The following BTRC variants were observed in gnomAD, a reference collection of about 807,000 sequenced individuals.
BTRC encodes the protein beta-transducin repeat containing E3 ubiquitin protein ligase, also known as F-box/WD repeat-containing protein 1A.
A neutral mutation model predicts 85.5 loss-of-function variants in BTRC; 42 were observed. That is an observed-to-expected ratio of 0.49 (90% CI 0.38 to 0.64). The LOEUF (loss-of-function observed/expected upper bound fraction) is 0.64. BTRC is among the 30% of genes least tolerant of loss of function. BTRC has a pLI of 0.00. For missense variants in BTRC, 594 were observed against 743.5 expected (o/e 0.80, Z 2.34); for synonymous variants, 255 against 263.3 (o/e 0.97, Z 0.30).
intron 1 of BTRC, among the ~76,000 whole-genome samples, chr10:101,400,711 C>G (rs1354739307): frequency 6.6e-6 from 1 of 152,170 alleles, no homozygotes; most frequent in African/African-American, 2.4e-5. Flanking sequence ...TAACATGATA[C>G]CAGCCTCTGT....
chr10:101,368,065 C>T (rs1590209157), intron 1 of BTRC, among the ~76,000 whole-genome samples: 1 of 152,162 alleles, frequency 6.6e-6, no homozygotes, highest in East Asian at 1.9e-4. Flanking sequence ...ATTTGATCTC[C>T]AGTGTTGGAG....
At chr10:101,545,088 CT>C (rs1413656634) in intron 13 of BTRC, among the ~76,000 whole-genome samples, 2 of 151,908 alleles carry the variant, frequency 1.3e-5, no homozygotes, top group Admixed American at 6.6e-5. Flanking sequence ...TTGACAGTGT[CT>C]TTCAGCACTT....
intron 1 of BTRC, among the ~76,000 whole-genome samples, chr10:101,393,260 T>C (rs1004529731): frequency 6.6e-6 from 1 of 152,204 alleles, no homozygotes; most frequent in African/African-American, 2.4e-5. Context: ...TTGTATTCTT[T>C]GCAATATCCT....
chr10:101,484,538 G>A (rs532478116), intron 4 of BTRC, among the ~76,000 whole-genome samples: 2 of 152,194 alleles, frequency 1.3e-5, no homozygotes, highest in Non-Finnish European at 2.9e-5. Context: ...CTCTGGGTCT[G>A]TGCTATTTAT....
In BTRC at chr10:101,534,847, T is replaced by C. The variant is rs1460122574; in HGVS notation, c.1284T>C (p.Ala428=). 12 of 1,613,944 alleles carry C rather than the reference T, an allele frequency of 7.4e-6. No homozygotes were observed. Among genetic ancestry groups the C allele is most frequent in the Non-Finnish European group, 1.0e-5 (12 of 1,179,900 alleles). The change falls in exon 10 of 15, where the codon GCT becomes GCC. Residue 428 remains alanine (A), a synonymous_variant. Transcript: ENST00000370187. ...LRRVLVGHRA[A]VNVVDFDDKY... is the part of the protein sequence containing the mutation. The stretch of plus-strand genomic sequence containing the variant: ...GGGTGCTGGTCGGACACCGAGCTGC[T>C]GTCAATGTTGTAGACTTTGATGACA...
intron 1 of BTRC, among the ~76,000 whole-genome samples, chr10:101,429,723 G>T (rs1462079071): frequency 6.8e-6 from 1 of 147,240 alleles, no homozygotes; most frequent in Non-Finnish European, 1.5e-5. Flanking sequence ...AATCCATCTG[G>T]AAAGATGAAG....
chr10:101,445,097 A>G (rs1228658332), intron 2 of BTRC, among the ~76,000 whole-genome samples: 4 of 152,272 alleles, frequency 2.6e-5, no homozygotes, highest in South Asian at 2.1e-4. Context: ...ATACGACTAT[A>G]TATTTTCAGT....
Position 101,532,382 on chromosome 10 carries a change from C to T in BTRC, c.928C>T (p.Gln310Ter). The T allele has an allele frequency of 1.2e-6, 2 of 1,613,578 alleles. No homozygotes were observed. The highest frequency in any genetic ancestry group is 1.7e-6 in the Non-Finnish European group (2 of 1,179,916). The stretch of plus-strand genomic sequence containing the variant: ...AACAAGCAAAGGAGTTTACTGTTTA[C>T]AGTATGATGATCAGAAAATAGTAAG... ...SETSKGVYCL[Q>*]YDDQKIVSGL... Residue 310 changes from glutamine to a stop codon, truncating the protein, a stop_gained, in exon 8 of 15, where the codon CAG becomes TAG. Transcript: ENST00000370187. LOFTEE classifies it high-confidence loss of function.
chr10:101,390,397 G>C (rs1564743629), intron 1 of BTRC, among the ~76,000 whole-genome samples: 1 of 149,386 alleles, frequency 6.7e-6, no homozygotes, highest in Non-Finnish European at 1.5e-5. Context: ...GAGTGCAGTG[G>C]TGCAATCTCT....
intron 1 of BTRC, among the ~76,000 whole-genome samples, chr10:101,363,856 A>C (rs867960952): frequency 2.0e-5 from 3 of 152,168 alleles, no homozygotes; most frequent in Non-Finnish European, 4.4e-5. Context: ...GATTATTTAA[A>C]TTACCGATGA....
At chr10:101,483,111 A>G (rs569413409) in intron 4 of BTRC, among the ~76,000 whole-genome samples, 1 of 152,240 alleles carries the variant, frequency 6.6e-6, no homozygotes, top group Non-Finnish European at 1.5e-5. Context: ...TTATGTTTGG[A>G]CCCCTATAAT....
rs189670179 is a variant in BTRC at position 101,542,836 on chromosome 10, G to T, written c.1656+4465G>T. Among the ~76,000 whole-genome samples the T allele has an allele frequency of 3.1e-3, 475 of 152,236 alleles. 7 individuals are homozygous for T. Among genetic ancestry groups the T allele is most frequent in the Non-Finnish European group, 7.2e-4 (49 of 68,014 alleles). On this transcript the variant is annotated intron_variant, in intron 13 of 14. Coordinates refer to ENST00000370187, the MANE Select transcript of BTRC (RefSeq NM_033637.4). Reference sequence around the variant, plus strand: ...CCTCGACAAAGTACTGGGATCACAGGCATGAGCCATGGCACCTGGCCTGCT... The same window carrying T: ...CCTCGACAAAGTACTGGGATCACAGTCATGAGCCATGGCACCTGGCCTGCT...
chr10:101,507,059 T>G (rs1044355393), intron 4 of BTRC, among the ~76,000 whole-genome samples: 23 of 152,210 alleles, frequency 1.5e-4, no homozygotes, highest in Non-Finnish European at 1.5e-5. Flanking sequence ...ACCACGACAT[T>G]TTAAAAGATT....
intron 4 of BTRC, among the ~76,000 whole-genome samples, chr10:101,515,855 T>C (rs1465728887): frequency 6.6e-6 from 1 of 152,214 alleles, no homozygotes; most frequent in African/African-American, 2.4e-5. Context: ...GTTTTTATGG[T>C]ACTACAAATT....
chr10:101,408,277 C>T (rs1043675779), intron 1 of BTRC, among the ~76,000 whole-genome samples: 2 of 151,598 alleles, frequency 1.3e-5, no homozygotes, highest in Non-Finnish European at 2.9e-5. Context: ...TTTGTTTTTT[C>T]CCATCTGTTC....
intron 1 of BTRC, among the ~76,000 whole-genome samples, chr10:101,382,601 A>G (rs1942964513): frequency 6.6e-6 from 1 of 151,906 alleles, no homozygotes; most frequent in African/African-American, 2.4e-5. Context: ...TTGTTTGATC[A>G]TTTATTAAGG....
intron 3 of BTRC, among the ~76,000 whole-genome samples, chr10:101,475,450 G>A (rs191123843): frequency 6.6e-6 from 1 of 152,290 alleles, no homozygotes; most frequent in Non-Finnish European, 1.5e-5. Flanking sequence ...TGAGGCAGGA[G>A]AATCACTCGA....
At chr10:101,474,039 A>G (rs1564794403) in intron 3 of BTRC, among the ~76,000 whole-genome samples, 1 of 152,170 alleles carries the variant, frequency 6.6e-6, no homozygotes, top group Non-Finnish European at 1.5e-5. Context: ...AAGTTTGAAC[A>G]TATCTATTAT....
In BTRC at chr10:101,516,160, A is replaced by G. The variant is rs559644045; in HGVS notation, c.325-5479A>G. On this transcript the variant is annotated intron_variant, in intron 4 of 14. Transcript: ENST00000370187. ...AAAAGAGAGGGAAGGCTCAGCTCCAACAGTGTTATAAGCTCATTAAGAGTG... is the reference window on the plus strand; with the variant it reads ...AAAAGAGAGGGAAGGCTCAGCTCCAGCAGTGTTATAAGCTCATTAAGAGTG... Among the ~76,000 whole-genome samples, 18 of 152,366 alleles carry G rather than the reference A, an allele frequency of 1.2e-4. No homozygotes were observed. In the South Asian group the frequency reaches 2.1e-3, roughly 18 times the overall value.
Sources: allele counts gnomAD v4.1 joint callset (sites outside exome capture counted in the v4.1 genomes callset), GRCh38; gene constraint gnomAD v4.1.1; transcripts MANE v1.5; gene names NCBI Gene and HGNC (gene_info 2026-07-23, HGNC 2026-07-21).